ST8SIA6: variants seen among roughly 807,000 people sequenced by gnomAD.
The protein encoded by ST8SIA6 is ST8 alpha-N-acetyl-neuraminide alpha-2,8-sialyltransferase 6.
A neutral mutation model predicts 33.6 loss-of-function variants in ST8SIA6; 39 were observed. The observed-to-expected ratio is 1.16, with a 90% CI of 0.90 to 1.52. ST8SIA6 has a LOEUF of 1.52. ST8SIA6 is among the 40% of genes most tolerant of loss of function. The pLI, the probability that ST8SIA6 is intolerant of heterozygous loss-of-function variation, is 0.00. For synonymous variants in ST8SIA6, 172 were observed against 167.2 expected, an observed-to-expected ratio of 1.03 and a Z score of -0.22; for missense variants, 441 against 443.8, an observed-to-expected ratio of 0.99 and a Z score of 0.06.
At chr10:17,338,405 G>A (rs1282430355) in intron 4 of ST8SIA6, among the ~76,000 whole-genome samples, 2 of 152,186 alleles carry the variant, frequency 1.3e-5, no homozygotes, top group African/African-American at 4.8e-5. Flanking sequence ...CATACAGTTT[G>A]TAAACAACTC....
At chr10:17,323,222 T>C (rs187327836) in intron 6 of ST8SIA6, 65 bp from the exon 7 acceptor site, 6 of 919,634 alleles carry the variant, frequency 6.5e-6, no homozygotes, top group Non-Finnish European at 1.7e-6. Context: ...TATACACACA[T>C]ATGCGCGCAC....
At chr10:17,365,625 C>T (rs1336497959) in intron 3 of ST8SIA6, among the ~76,000 whole-genome samples, 1 of 152,138 alleles carries the variant, frequency 6.6e-6, no homozygotes, top group Admixed American at 6.5e-5. Flanking sequence ...ACTTAGTAGC[C>T]ATCTCAGTTA....
At chr10:17,398,951 C>T (rs923223258) in intron 2 of ST8SIA6, among the ~76,000 whole-genome samples, 9 of 152,164 alleles carry the variant, frequency 5.9e-5, no homozygotes, top group Non-Finnish European at 8.8e-5. Context: ...CACACATACA[C>T]CATGTAGTTT....
intron 2 of ST8SIA6, among the ~76,000 whole-genome samples, chr10:17,431,736 G>T (rs1215251250): frequency 8.4e-6 from 1 of 118,870 alleles, no homozygotes. Context: ...TCTTCGTTTG[G>T]AAAAAAAAAA....
chr10:17,382,560 C>A (rs923673614), intron 3 of ST8SIA6, among the ~76,000 whole-genome samples: 2 of 152,210 alleles, frequency 1.3e-5, no homozygotes, highest in Non-Finnish European at 2.9e-5. Context: ...GCCACCGCAC[C>A]TGGCCCCTGT....
At chr10:17,427,181 C>T (rs534620078) in intron 2 of ST8SIA6, among the ~76,000 whole-genome samples, 8 of 151,780 alleles carry the variant, frequency 5.3e-5, no homozygotes, top group East Asian at 1.9e-4. Context: ...TTCAATGCCA[C>T]GGTCTGATGA....
At chr10:17,369,493 A>G (rs912298977) in intron 3 of ST8SIA6, among the ~76,000 whole-genome samples, 10 of 152,150 alleles carry the variant, frequency 6.6e-5, no homozygotes. Flanking sequence ...GATCTAACAC[A>G]TGGTATATCC....
At chr10:17,364,133 G>A in intron 3 of ST8SIA6, among the ~76,000 whole-genome samples, 1 of 152,106 alleles carries the variant, frequency 6.6e-6, no homozygotes, top group East Asian at 1.9e-4. Flanking sequence ...AATCATTCTT[G>A]CCTGTATATT....
intron 3 of ST8SIA6, among the ~76,000 whole-genome samples, chr10:17,380,520 G>T (rs1305930881): frequency 6.6e-6 from 1 of 151,608 alleles, no homozygotes; most frequent in Non-Finnish European, 1.5e-5. Flanking sequence ...CCATCAAAAG[G>T]AAAAAAAAGA....
intron 2 of ST8SIA6, among the ~76,000 whole-genome samples, chr10:17,408,917 G>A (rs1851359633): frequency 1.3e-5 from 2 of 150,122 alleles, no homozygotes; most frequent in Admixed American, 1.3e-4. Flanking sequence ...CACCATGCCT[G>A]GCTAATTTTA....
intron 2 of ST8SIA6, among the ~76,000 whole-genome samples, chr10:17,414,193 C>T (rs979094666): frequency 4.6e-5 from 7 of 152,238 alleles, no homozygotes; most frequent in African/African-American, 1.4e-4. Flanking sequence ...CTACCCCCAA[C>T]TAGCCAAATA....
At chr10:17,404,549 A>G (rs1015121352) in intron 2 of ST8SIA6, among the ~76,000 whole-genome samples, 1 of 152,124 alleles carries the variant, frequency 6.6e-6, no homozygotes, top group Non-Finnish European at 1.5e-5. Context: ...GTTTGGCCAG[A>G]ATCCCCTATG....
At chr10:17,416,372 C>T (rs973237830) in intron 2 of ST8SIA6, among the ~76,000 whole-genome samples, 3 of 152,160 alleles carry the variant, frequency 2.0e-5, no homozygotes, top group African/African-American at 7.2e-5. Context: ...ATCTCTCTGG[C>T]GATGACACCC....
At chr10:17,425,672 A>G (rs1851913947) in intron 2 of ST8SIA6, among the ~76,000 whole-genome samples, 2 of 150,692 alleles carry the variant, frequency 1.3e-5, no homozygotes, top group Non-Finnish European at 3.0e-5. Context: ...AAGGGAAGAA[A>G]GAAAAAGAAG....
intron 2 of ST8SIA6, among the ~76,000 whole-genome samples, chr10:17,434,527 G>A (rs1278791583): frequency 1.3e-5 from 2 of 152,180 alleles, no homozygotes; most frequent in Non-Finnish European, 2.9e-5. Context: ...CAAAAGAAAA[G>A]AAAATCATCT....
intron 2 of ST8SIA6, among the ~76,000 whole-genome samples, chr10:17,392,261 T>C (rs1850644049): frequency 6.6e-6 from 1 of 152,228 alleles, no homozygotes; most frequent in Non-Finnish European, 1.5e-5. Flanking sequence ...AGAGTAGGTC[T>C]CTACTCACAC....
Position 17,340,273 on chromosome 10 carries a change from TCGTCCTGAGTCACCCTGGTCACCTGTTC to T in ST8SIA6, c.378-8749_378-8722del, listed in dbSNP as rs1169137915. 3.9e-5 allele frequency among the ~76,000 whole-genome samples: 6 copies of T among 152,032 alleles called. No individual in the cohort carries two copies. The South Asian group carries it at 6.3e-4, about 16-fold the overall frequency. On this transcript the variant is annotated intron_variant, in intron 4 of 7. Coordinates refer to ENST00000377602, the MANE Select transcript of ST8SIA6 (RefSeq NM_001004470.3). Reference sequence around the variant, plus strand: ...ACATCTGTTCCCCTGGTCACCTGCTTCGTCCTGAGTCACCCTGGTCACCTGTTCCGTCCTGAGTCACCCCTGGTCACCT... The same window carrying T: ...ACATCTGTTCCCCTGGTCACCTGCTTCGTCCTGAGTCACCCCTGGTCACCT...
chr10:17,325,676 A>T (rs1848110153), intron 6 of ST8SIA6, among the ~76,000 whole-genome samples: 1 of 152,132 alleles, frequency 6.6e-6, no homozygotes, highest in East Asian at 1.9e-4. Flanking sequence ...CAGGCTTAAA[A>T]AATTAAGTAT....
chr10:17,446,867 G>C (rs375072438), intron 2 of ST8SIA6, among the ~76,000 whole-genome samples: 21 of 150,540 alleles, frequency 1.4e-4, no homozygotes, highest in African/African-American at 4.6e-4. Flanking sequence ...GTTCAAGACT[G>C]GCCTGGTGTC....
Sources: gnomAD v4.1 joint callset for allele counts (sites outside exome capture counted in the v4.1 genomes callset) on GRCh38, gnomAD v4.1.1 for gene constraint, MANE v1.5 for transcripts, NCBI Gene and HGNC (gene_info 2026-07-23, HGNC 2026-07-21) for gene names.